The following ZFP69 variants were observed in gnomAD, a reference collection of about 807,000 sequenced individuals.
The protein encoded by ZFP69 is zinc finger protein 69 homolog.
Under a neutral mutation model 48.9 loss-of-function variants are expected in ZFP69, and 35 were observed. That is an observed-to-expected ratio of 0.72 (90% CI 0.55 to 0.95). The LOEUF is 0.95. Ranked by LOEUF, ZFP69 falls within the 40% of genes least tolerant of loss-of-function variation. ZFP69 has a pLI of 0.00. For missense variants in ZFP69, 557 were observed against 638.4 expected, an observed-to-expected ratio of 0.87 and a Z score of 1.37; for synonymous variants, 193 against 216.8, an observed-to-expected ratio of 0.89 and a Z score of 0.96.
rs749700554 is a variant in ZFP69, at chr1:40,495,700, G to A, written c.1222G>A (p.Glu408Lys). The change falls in exon 6 of 6, where the codon GAG becomes AAG. Residue 408 changes from glutamate to lysine, a missense_variant. Glu to Lys is a moderately conservative substitution (Grantham distance 56). Transcript: ENST00000372706. Reference protein sequence around the residue: ...LSEHIRIHTGEKPYACTACCK... With the variant: ...LSEHIRIHTGKKPYACTACCK... ...TGAACATATAAGAATTCATACCGGG[G>A]AGAAGCCCTATGCATGCACTGCATG... 1 of 1,614,198 alleles carries A rather than the reference G, an allele frequency of 6.2e-7. No individual in the cohort carries two copies. Among genetic ancestry groups the A allele is most frequent in the Non-Finnish European group, 8.5e-7 (1 of 1,180,040 alleles).
chr1:40,478,810 T>G (rs1441572497), intron 1 of ZFP69, among the ~76,000 whole-genome samples: 1 of 152,116 alleles, frequency 6.6e-6, no homozygotes, highest in Non-Finnish European at 1.5e-5. Flanking sequence ...CTGTCTGATT[T>G]CAAAGCCTGC....
intron 5 of ZFP69, among the ~76,000 whole-genome samples, chr1:40,494,489 C>T (rs945658401): frequency 2.7e-4 from 39 of 145,816 alleles, no homozygotes; most frequent in Admixed American, 1.8e-3. Flanking sequence ...GGGATGGTCT[C>T]GATCTCCTGA....
chr1:40,482,010 A>C (rs554213052), intron 3 of ZFP69, among the ~76,000 whole-genome samples, 156 bp downstream of exon 3: 180 of 151,724 alleles, frequency 1.2e-3, no homozygotes, highest in African/African-American at 3.9e-3. Context: ...CCTTTTACAG[A>C]AAATTGGGCT....
chr1:40,481,776 G>A lies in ZFP69; in HGVS notation c.141G>A (p.Gln47=), dbSNP rs1417615049. 2 of 1,611,012 alleles carry A rather than the reference G, an allele frequency of 1.2e-6. No homozygotes were observed. Among genetic ancestry groups the A allele is most frequent in the African/African-American group, 1.3e-5 (1 of 74,830 alleles). ...KMFEGEALLS[Q]DAEDVKTQRE... is the part of the protein sequence containing the mutation. ...TTCCTTCCCCAGCTCTGCTGTCTCA[G>A]GATGCTGAGGACGTAAAGACCCAGA... The change falls in exon 3 of 6, where the codon CAG becomes CAA. Residue 47 remains glutamine (Q), a synonymous_variant. Transcript: ENST00000372706.
chr1:40,484,519 T>C (rs561568952), intron 3 of ZFP69, among the ~76,000 whole-genome samples: 53 of 152,222 alleles, frequency 3.5e-4, no homozygotes, highest in African/African-American at 1.0e-3. Context: ...TTCTTTTGCA[T>C]TGAATCATTT....
rs548550695 is a variant in ZFP69 at position 40,480,022 on chromosome 1, A to C, written c.127+534A>C. On this transcript the variant is annotated intron_variant, in intron 2 of 5. Transcript: ENST00000372706. The stretch of plus-strand genomic sequence containing the variant: ...AGTAAATAGAAGGATGGAGGAAGTC[A>C]TGTGTCTCATGTGGTGTTTTAATTC... Among the ~76,000 whole-genome samples, 3 of 152,324 alleles carry C rather than the reference A, an allele frequency of 2.0e-5. No homozygotes were observed. In the South Asian group the frequency reaches 6.2e-4, roughly 32 times the overall value.
At chr1:40,482,756 CAAA>C (rs1164152193) in intron 3 of ZFP69, among the ~76,000 whole-genome samples, 2 of 151,246 alleles carry the variant, frequency 1.3e-5, no homozygotes. Flanking sequence ...TATTCCTAGG[CAAA>C]AAGGGACATT....
At position 40,479,165 on chromosome 1, in the gene ZFP69, G is replaced by A; in HGVS notation, c.-197G>A. 1 of 607,196 alleles carries A rather than the reference G, an allele frequency of 1.6e-6. No homozygotes were observed. Among genetic ancestry groups the A allele is most frequent in the Non-Finnish European group, 2.9e-6 (1 of 349,774 alleles). 37.6% of individuals were successfully genotyped at this position (607,196 alleles called of 1,614,324 possible). ...TCCCAAAGAAAGTGCTTGATTTAAA[G>A]GGGAGTTTGTTTTCCAGAATTGTTA... On this transcript the variant is annotated 5_prime_UTR_variant, in exon 2 of 6. Transcript: ENST00000372706.
intron 3 of ZFP69, among the ~76,000 whole-genome samples, chr1:40,482,787 T>C (rs1194416241): frequency 3.3e-5 from 5 of 151,994 alleles, no homozygotes; most frequent in African/African-American, 1.2e-4. Flanking sequence ...AATAAGAGGG[T>C]CAACAATTCT....
intron 3 of ZFP69, among the ~76,000 whole-genome samples, chr1:40,487,729 G>A (rs897478296): frequency 2.0e-5 from 3 of 152,066 alleles, no homozygotes; most frequent in East Asian, 1.9e-4. Flanking sequence ...TCATCTCTCC[G>A]GTAAATTGCA....
At chr1:40,488,876 A>G (rs114090879) in intron 3 of ZFP69, among the ~76,000 whole-genome samples, 5,094 of 151,876 alleles carry the variant, frequency 0.034, 121 homozygotes, top group Middle Eastern at 0.072. Context: ...TACATTATTT[A>G]TAGTAATCTC....
chr1:40,494,256 ATTTTTTTTTT>A (rs11286167), intron 5 of ZFP69, among the ~76,000 whole-genome samples: 11 of 52,094 alleles, frequency 2.1e-4, no homozygotes, highest in Middle Eastern at 0.012. Flanking sequence ...AAGATTCAAA[ATTTTTTTTTT>A]TTTTTTTTTT....
chr1:40,482,929 C>T (rs928927051), intron 3 of ZFP69, among the ~76,000 whole-genome samples: 1 of 152,112 alleles, frequency 6.6e-6, no homozygotes, highest in African/African-American at 2.4e-5. Context: ...AACCAGTAGA[C>T]AAAAACTCAT....
intron 5 of ZFP69, chr1:40,490,996 T>C (rs527971054): frequency 2.6e-5 from 4 of 152,334 alleles, no homozygotes; most frequent in East Asian, 1.9e-4. Context: ...TTACACCTTT[T>C]GAAATAAGCA....
chr1:40,490,681 T>C (rs1645559107), intron 5 of ZFP69: 1 of 152,250 alleles, frequency 6.6e-6, no homozygotes, highest in Non-Finnish European at 1.5e-5. Context: ...AAATCTTTAA[T>C]TTTCCTGCAC....
At chr1:40,492,898 G>A (rs1331524187) in intron 5 of ZFP69, among the ~76,000 whole-genome samples, 1 of 151,772 alleles carries the variant, frequency 6.6e-6, no homozygotes, top group Non-Finnish European at 1.5e-5. Flanking sequence ...TTTTCCCTGA[G>A]CCTCAGTCGT....
intron 5 of ZFP69, among the ~76,000 whole-genome samples, chr1:40,491,781 GTGTGTA>G (rs1176767732): frequency 2.0e-5 from 3 of 151,440 alleles, no homozygotes; most frequent in African/African-American, 4.8e-5. Context: ...GTGTGTGTGT[GTGTGTA>G]TATATATATA....
At chr1:40,488,162 T>C (rs1257913864) in intron 3 of ZFP69, among the ~76,000 whole-genome samples, 1 of 118,364 alleles carries the variant, frequency 8.4e-6, no homozygotes, top group Non-Finnish European at 1.7e-5. Context: ...GTGTGTGTTT[T>C]GTATGTATAC....
At chr1:40,486,455 ATCCCTCCCTCCCTCCTTTCTTCCTCCC>A (rs1180538656) in intron 3 of ZFP69, among the ~76,000 whole-genome samples, 5 of 22,344 alleles carry the variant, frequency 2.2e-4, no homozygotes, top group African/African-American at 8.5e-4. Flanking sequence ...CCCTCCCTCC[ATCCCTCCCTCCCTCCTTTCTTCCTCCC>A]TCCCTCCCTC....
Sources: gnomAD v4.1 joint callset for allele counts (sites outside exome capture counted in the v4.1 genomes callset) on GRCh38, gnomAD v4.1.1 for gene constraint, MANE v1.5 for transcripts, NCBI Gene and HGNC (gene_info 2026-07-23, HGNC 2026-07-21) for gene names.